Variants in NBEA observed in about 807,000 individuals in gnomAD.
The protein encoded by NBEA is neurobeachin, also known as lysosomal-trafficking regulator 2.
NBEA carries 44 observed loss-of-function variants against 343.4 expected under a neutral mutation model. The observed-to-expected ratio is 0.13, with a 90% CI of 0.10 to 0.16. The LOEUF (loss-of-function observed/expected upper bound fraction) is 0.16, where lower values mean the gene tolerates loss of function less well. Among genes scored for constraint, NBEA ranks in the 10% least tolerant of loss-of-function variants. NBEA has a pLI of 1.00. For synonymous variants in NBEA, 1,175 were observed against 1,238.7 expected, an observed-to-expected ratio of 0.95 and a Z score of 1.08; for missense variants, 2,555 against 3,631.3, an observed-to-expected ratio of 0.70 and a Z score of 7.62.
intron 38 of NBEA, among the ~76,000 whole-genome samples, chr13:35,394,689 A>G (rs952362262): frequency 6.6e-6 from 1 of 152,134 alleles, no homozygotes; most frequent in African/African-American, 2.4e-5. Context: ...ACATTTCCAA[A>G]ACTATGCTAG....
Position 35,559,022 on chromosome 13 carries a change from C to T in NBEA, c.6922+3920C>T, listed in dbSNP as rs184352376. On this transcript the variant is annotated intron_variant, in intron 44 of 58. Coordinates refer to ENST00000379939, the MANE Select transcript of NBEA (RefSeq NM_001385012.1). ...TGAAAAAAATTATGAATATGAATAT[C>T]CTGAGGTACTCTCCCTGGATATATT... Among the ~76,000 whole-genome samples, 306 of 152,192 alleles carry T rather than the reference C, an allele frequency of 2.0e-3. 1 individual carries two copies. Among genetic ancestry groups the T allele is most frequent in the African/African-American group, 7.0e-3 (291 of 41,534 alleles).
chr13:35,485,845 C>T (rs930339390), intron 41 of NBEA, among the ~76,000 whole-genome samples: 2 of 152,040 alleles, frequency 1.3e-5, no homozygotes, highest in Non-Finnish European at 2.9e-5. Context: ...TCAAATAATG[C>T]TTTTAAAAGT....
chr13:35,001,790 G>T (rs1320167682), intron 1 of NBEA, among the ~76,000 whole-genome samples: 2 of 152,056 alleles, frequency 1.3e-5, no homozygotes, highest in Non-Finnish European at 2.9e-5. Context: ...TGTATATTTT[G>T]AAATAGCTAG....
intron 16 of NBEA, among the ~76,000 whole-genome samples, chr13:35,122,477 A>C (rs2066856317): frequency 6.7e-6 from 1 of 148,920 alleles, no homozygotes; most frequent in Non-Finnish European, 1.5e-5. Context: ...AGGACAAAAA[A>C]CCAAATACCA....
intron 46 of NBEA, among the ~76,000 whole-genome samples, chr13:35,591,044 G>A (rs2081515072): frequency 6.6e-6 from 1 of 152,030 alleles, no homozygotes; most frequent in African/African-American, 2.4e-5. Flanking sequence ...GCGTAAAGCT[G>A]GTAGTCATTT....
At chr13:35,322,298 A>G (rs1439885916) in intron 36 of NBEA, among the ~76,000 whole-genome samples, 2 of 152,112 alleles carry the variant, frequency 1.3e-5, no homozygotes, top group Non-Finnish European at 2.9e-5. Flanking sequence ...TCTGGGCCGG[A>G]GTCCACCGTT....
In NBEA at chr13:35,372,318, C is replaced by T. The variant is rs139333847; in HGVS notation, c.6179+19995C>T. 5.7e-3 allele frequency among the ~76,000 whole-genome samples: 873 copies of T among 152,262 alleles called. 10 individuals are homozygous for T. Among genetic ancestry groups the T allele is most frequent in the African/African-American group, 0.02 (830 of 41,564 alleles). ...TGCAGATGGTATATTGGAATGGGTG[C>T]TAGCTGTGGTGGTAGTGGCAAATTG... On this transcript the variant is annotated intron_variant, in intron 38 of 58. Coordinates refer to ENST00000379939, the MANE Select transcript of NBEA (RefSeq NM_001385012.1).
At chr13:35,176,027 C>T (rs760171234) in intron 27 of NBEA, among the ~76,000 whole-genome samples, 16 of 152,028 alleles carry the variant, frequency 1.1e-4, no homozygotes, top group Non-Finnish European at 1.8e-4. Context: ...CTTTAACCAT[C>T]CTGTAGTAAA....
At chr13:35,080,308 G>A (rs1457511257) in intron 10 of NBEA, among the ~76,000 whole-genome samples, 1 of 152,052 alleles carries the variant, frequency 6.6e-6, no homozygotes, top group Non-Finnish European at 1.5e-5. Flanking sequence ...GCCTATTAAT[G>A]CATCCAGCAT....
At chr13:35,594,868 A>G (rs190540887) in intron 47 of NBEA, among the ~76,000 whole-genome samples, 88 of 151,970 alleles carry the variant, frequency 5.8e-4, no homozygotes, top group African/African-American at 2.0e-3. Flanking sequence ...AAGATTATTG[A>G]TATTTTAAAT....
At chr13:35,448,113 A>G (rs899176040) in intron 39 of NBEA, among the ~76,000 whole-genome samples, 2 of 152,196 alleles carry the variant, frequency 1.3e-5, no homozygotes, top group Admixed American at 1.3e-4. Flanking sequence ...AAGGATGATA[A>G]GCTTAGTGTG....
intron 31 of NBEA, among the ~76,000 whole-genome samples, chr13:35,207,943 G>A (rs1020187011): frequency 2.0e-5 from 3 of 152,106 alleles, no homozygotes; most frequent in African/African-American, 4.8e-5. Flanking sequence ...TTTAAAGTCT[G>A]GGCACGGTGG....
chr13:35,113,088 A>T (rs544847934), intron 13 of NBEA, among the ~76,000 whole-genome samples: 1 of 152,276 alleles, frequency 6.6e-6, no homozygotes, highest in South Asian at 2.1e-4. Flanking sequence ...TCTTCAATGT[A>T]GGATAGTTTT....
At chr13:35,008,732 T>G (rs2061394028) in intron 1 of NBEA, among the ~76,000 whole-genome samples, 1 of 152,226 alleles carries the variant, frequency 6.6e-6, no homozygotes, top group African/African-American at 2.4e-5. Flanking sequence ...ATCTACAGAT[T>G]TACATATTTT....
chr13:35,402,845 C>T (rs1199451554), intron 38 of NBEA, among the ~76,000 whole-genome samples: 1 of 152,050 alleles, frequency 6.6e-6, no homozygotes, highest in African/African-American at 2.4e-5. Flanking sequence ...ACTAAATTGT[C>T]ACCATGTTCT....
chr13:35,649,862 G>A lies in NBEA; in HGVS notation c.7963+15G>A, dbSNP rs1246372334. 2.5e-6 allele frequency: 4 copies of A among 1,607,028 alleles called. No homozygotes were observed. The South Asian group carries it at 4.5e-5, about 18-fold the overall frequency. On this transcript the variant is annotated intron_variant, in intron 52 of 58. Transcript: ENST00000379939. ...CAACACAGTAGGTATGTGTGCCTGA[G>A]CAAATCACTTACTAAAGATTTCTTA...
At chr13:35,217,830 G>T (rs2074149042) in intron 33 of NBEA, among the ~76,000 whole-genome samples, 1 of 152,086 alleles carries the variant, frequency 6.6e-6, no homozygotes, top group Admixed American at 6.6e-5. Flanking sequence ...TGATGTTTGT[G>T]TTGCAGCTCC....
chr13:35,422,526 A>T (rs2044358476), intron 38 of NBEA, among the ~76,000 whole-genome samples: 1 of 151,794 alleles, frequency 6.6e-6, no homozygotes. Context: ...TATGTGCCAC[A>T]TTTTCTTAAT....
intron 41 of NBEA, among the ~76,000 whole-genome samples, chr13:35,502,391 T>A (rs748873237): frequency 3.0e-4 from 45 of 152,142 alleles, no homozygotes; most frequent in Admixed American, 7.9e-4. Flanking sequence ...TATAAATAAT[T>A]ATAATTTCTA....
Sources: gnomAD v4.1 joint callset for allele counts (sites outside exome capture counted in the v4.1 genomes callset) on GRCh38, gnomAD v4.1.1 for gene constraint, MANE v1.5 for transcripts, NCBI Gene and HGNC (gene_info 2026-07-23, HGNC 2026-07-21) for gene names.